FBXL13: variants seen among roughly 807,000 people sequenced by gnomAD.
The protein encoded by FBXL13 is F-box and leucine-rich repeat protein 13.
In FBXL13, 67 loss-of-function variants were observed where a neutral mutation model predicts 83.6. The observed-to-expected ratio is 0.80, with a 90% CI of 0.66 to 0.98. The LOEUF is 0.98. FBXL13 is among the 50% of genes least tolerant of loss of function. FBXL13 has a pLI of 0.00. For missense variants in FBXL13, 822 were observed against 866.5 expected (o/e 0.95, Z 0.64); for synonymous variants, 272 against 299.5 (o/e 0.91, Z 0.95).
At chr7:103,030,292 A>T (rs929824748) in intron 2 of FBXL13, among the ~76,000 whole-genome samples, 3 of 152,224 alleles carry the variant, frequency 2.0e-5, no homozygotes, top group Non-Finnish European at 4.4e-5. Flanking sequence ...TTTTAGGCAT[A>T]CAAGAAAGGC....
In FBXL13 at chr7:102,867,182, C is replaced by T. The variant is rs147945202; in HGVS notation, c.1635+10285G>A. On this transcript the variant is annotated intron_variant, in intron 16 of 19. Transcript: ENST00000313221. ...CAGCCCAGGGAACATAGCAAGACCC[C>T]ATCTCTACAAAAGAAAATTTGAAAA... Among the ~76,000 whole-genome samples the T allele has an allele frequency of 3.1e-3, 469 of 152,076 alleles. 3 individuals are homozygous for T. Among genetic ancestry groups the T allele is most frequent in the Non-Finnish European group, 4.1e-3 (277 of 68,002 alleles).
At chr7:102,972,310 C>G (rs909130085) in intron 6 of FBXL13, among the ~76,000 whole-genome samples, 6 of 152,012 alleles carry the variant, frequency 3.9e-5, no homozygotes, top group African/African-American at 1.4e-4. Flanking sequence ...AGTTAGTGTT[C>G]TAAATTTCAA....
At chr7:103,022,302 G>A (rs1356238707) in intron 6 of FBXL13, among the ~76,000 whole-genome samples, 2 of 151,258 alleles carry the variant, frequency 1.3e-5, no homozygotes, top group Non-Finnish European at 2.9e-5. Context: ...GACACAGGAT[G>A]GGGAACACCA....
chr7:102,944,758 T>C (rs927497542), intron 8 of FBXL13: 5 of 679,202 alleles, frequency 7.4e-6, no homozygotes, highest in Non-Finnish European at 4.7e-6. Context: ...ATTGTGACTA[T>C]TATAGTAATC....
At chr7:102,864,667 C>G (rs559414067) in intron 16 of FBXL13, among the ~76,000 whole-genome samples, 57 of 152,266 alleles carry the variant, frequency 3.7e-4, no homozygotes, top group African/African-American at 1.3e-3. Flanking sequence ...CCGCACCCAG[C>G]CAAGTGTTCA....
intron 15 of FBXL13, 32 bp downstream of exon 16, chr7:102,878,299 A>G (rs890606130): frequency 2.6e-6 from 4 of 1,565,848 alleles, no homozygotes; most frequent in African/African-American, 2.8e-5. Context: ...TACAATACTA[A>G]TGATATGATG....
chr7:102,952,585 T>C lies in FBXL13; in HGVS notation c.724+10948A>G, dbSNP rs538729817. On this transcript the variant is annotated intron_variant, in intron 8 of 19. Coordinates refer to ENST00000313221, the Ensembl canonical transcript of FBXL13. Reference sequence around the variant, plus strand: ...AACAAATTAGATAAACTGCATGGAATTGACAAATGCCTAGAAACACATGAA... The same window carrying C: ...AACAAATTAGATAAACTGCATGGAACTGACAAATGCCTAGAAACACATGAA... Among the ~76,000 whole-genome samples, 195 of 152,290 alleles carry C rather than the reference T, an allele frequency of 1.3e-3. 1 individual carries two copies. The highest frequency in any genetic ancestry group is 2.3e-3 in the Non-Finnish European group (158 of 68,020).
intron 6 of FBXL13, chr7:102,976,118 C>G (rs760555822): frequency 3.9e-6 from 3 of 766,488 alleles, no homozygotes; most frequent in Non-Finnish European, 7.2e-6. Context: ...CAATCAAACC[C>G]TCCTACTCGG....
chr7:103,023,593 G>T (rs560815821), intron 6 of FBXL13, among the ~76,000 whole-genome samples: 1 of 152,254 alleles, frequency 6.6e-6, no homozygotes, highest in African/African-American at 2.4e-5. Flanking sequence ...AAACAGAATT[G>T]CCATTCAACC....
At chr7:103,014,684 G>A (rs1792042709) in intron 6 of FBXL13, among the ~76,000 whole-genome samples, 1 of 152,094 alleles carries the variant, frequency 6.6e-6, no homozygotes, top group Non-Finnish European at 1.5e-5. Flanking sequence ...AGCACTTTGG[G>A]AGGCCGAGGC....
intron 8 of FBXL13, among the ~76,000 whole-genome samples, chr7:102,945,204 A>G (rs1270878158): frequency 2.0e-5 from 3 of 152,216 alleles, no homozygotes; most frequent in South Asian, 2.1e-4. Flanking sequence ...GTCACAAACA[A>G]TAAGAAGAGA....
intron 11 of FBXL13, among the ~76,000 whole-genome samples, chr7:102,912,454 A>T (rs1207981829): frequency 1.3e-5 from 2 of 152,192 alleles, no homozygotes; most frequent in Non-Finnish European, 2.9e-5. Context: ...AGAAACTATC[A>T]ATGAGGCAGT....
chr7:102,917,445 G>T (rs1816127422), intron 10 of FBXL13, among the ~76,000 whole-genome samples: 1 of 152,166 alleles, frequency 6.6e-6, no homozygotes, highest in Admixed American at 6.6e-5. Flanking sequence ...TCAATACATG[G>T]TGAACAAGTG....
At chr7:102,892,509 G>A (rs1811664735) in intron 11 of FBXL13, among the ~76,000 whole-genome samples, 1 of 151,986 alleles carries the variant, frequency 6.6e-6, no homozygotes, top group South Asian at 2.1e-4. Flanking sequence ...GGTTCAGAAA[G>A]GACACAAACC....
chr7:103,039,361 G>GA (rs1354804025), intron 2 of FBXL13, among the ~76,000 whole-genome samples: 1 of 152,200 alleles, frequency 6.6e-6, no homozygotes, highest in African/African-American at 2.4e-5. Flanking sequence ...TGGTGTACTG[G>GA]AAAGTGACAG....
intron 9 of FBXL13, 52 bp from the exon 11 acceptor site, chr7:102,926,426 A>G: frequency 6.5e-6 from 9 of 1,392,384 alleles, no homozygotes; most frequent in Non-Finnish European, 9.0e-6. Flanking sequence ...AGGCTTTGCA[A>G]TTTCCCCATT....
chr7:102,937,895 T>C (rs559080402), intron 8 of FBXL13, among the ~76,000 whole-genome samples: 1 of 152,310 alleles, frequency 6.6e-6, no homozygotes, highest in Admixed American at 6.5e-5. Context: ...TGCATACAGA[T>C]TCCCCAACTC....
chr7:102,892,643 C>A (rs1162485168), intron 11 of FBXL13, among the ~76,000 whole-genome samples: 1 of 152,104 alleles, frequency 6.6e-6, no homozygotes, highest in Non-Finnish European at 1.5e-5. Flanking sequence ...ATACTTAAAA[C>A]CACATATTTT....
intron 16 of FBXL13, among the ~76,000 whole-genome samples, chr7:102,870,351 C>T (rs1808364846): frequency 6.6e-6 from 1 of 151,980 alleles, no homozygotes; most frequent in African/African-American, 2.4e-5. Flanking sequence ...AGAATGAATC[C>T]ATAATACAAA....
Sources: gnomAD v4.1 joint callset for allele counts (sites outside exome capture counted in the v4.1 genomes callset) on GRCh38, gnomAD v4.1.1 for gene constraint, MANE v1.5 for transcripts, NCBI Gene and HGNC (gene_info 2026-07-23, HGNC 2026-07-21) for gene names.